The following SMYD1 variants were observed in gnomAD, a reference collection of about 807,000 sequenced individuals.
The protein encoded by SMYD1 is SET and MYND domain containing 1, also known as histone-lysine N-methyltransferase SMYD1.
A neutral mutation model predicts 54.0 loss-of-function variants in SMYD1; 49 were observed. That is an observed-to-expected ratio of 0.91 (90% CI 0.72 to 1.15). The LOEUF is 1.15. SMYD1 is among the 50% of genes most tolerant of loss of function. The pLI, the probability that SMYD1 is intolerant of heterozygous loss-of-function variation, is 0.00. For synonymous variants in SMYD1, 269 were observed against 234.2 expected, an observed-to-expected ratio of 1.15 and a Z score of -1.36; for missense variants, 653 against 639.6, an observed-to-expected ratio of 1.02 and a Z score of -0.23.
chr2:88,087,870 CG>C lies in SMYD1; in HGVS notation c.324del (p.Arg109AlafsTer68). 6.3e-7 allele frequency: 1 copy of C among 1,580,390 alleles called. No individual in the cohort carries two copies. Among genetic ancestry groups the C allele is most frequent in the Non-Finnish European group, 8.6e-7 (1 of 1,162,806 alleles). On this transcript the variant is annotated frameshift_variant, in exon 3 of 10. Transcript: ENST00000419482. LOFTEE classifies it high-confidence loss of function. ...CGCTGCCCTTCCCACAGGCTGGCGG[CG>C]CGCATCATGTGGCGGGTGGAGAGAG... ...KVPNENIRLA[A>X]RIMWRVEREG...
chr2:88,103,600 C>G (rs957886722), intron 7 of SMYD1, among the ~76,000 whole-genome samples: 1 of 152,156 alleles, frequency 6.6e-6, no homozygotes, highest in African/African-American at 2.4e-5. Context: ...TGGCTCTACA[C>G]TAGAATCACC....
At position 88,113,332 on chromosome 2, in the gene SMYD1, C is replaced by T. The variant is rs1440249320; in HGVS notation, c.*2820C>T. 1.3e-5 allele frequency: 2 copies of T among 152,186 alleles called. No homozygotes were observed. Among genetic ancestry groups the T allele is most frequent in the African/African-American group, 2.4e-5 (1 of 41,452 alleles). 9.4% of individuals were successfully genotyped at this position (152,186 alleles called of 1,614,324 possible). Reference sequence around the variant, plus strand: ...AACCATGAAACTGTATTTTGAGTTTCTATGTTATAGCAGTCAGCAAATCCT... The same window carrying T: ...AACCATGAAACTGTATTTTGAGTTTTTATGTTATAGCAGTCAGCAAATCCT... On this transcript the variant is annotated 3_prime_UTR_variant, in exon 10 of 10. Coordinates refer to ENST00000419482, the MANE Select transcript of SMYD1 (RefSeq NM_198274.4).
rs753922654 is a variant in SMYD1, at chr2:88,110,387, A to G, written c.1348A>G (p.Met450Val). The change falls in exon 10 of 10, where the codon ATG becomes GTG. Residue 450 changes from methionine to valine, a missense_variant. Coordinates refer to ENST00000419482, the MANE Select transcript of SMYD1 (RefSeq NM_198274.4). The part of the protein sequence containing the change: ...MRVQTEMELR[M>V]FRQNEFMYYK... ...GGTGCAGACGGAGATGGAGCTACGC[A>G]TGTTCCGCCAGAACGAATTCATGTA... 17 of 1,612,916 alleles carry G rather than the reference A, an allele frequency of 1.1e-5. No individual in the cohort carries two copies. The highest frequency in any genetic ancestry group is 1.6e-4 in the Middle Eastern group (1 of 6,082).
intron 2 of SMYD1, among the ~76,000 whole-genome samples, chr2:88,086,812 C>G (rs553260381): frequency 6.6e-6 from 1 of 151,648 alleles, no homozygotes; most frequent in East Asian, 1.9e-4. Flanking sequence ...TACCCCTATC[C>G]TTATCTCTAC....
At chr2:88,086,635 ACT>A (rs949563120) in intron 2 of SMYD1, among the ~76,000 whole-genome samples, 1 of 152,100 alleles carries the variant, frequency 6.6e-6, no homozygotes, top group Admixed American at 6.5e-5. Context: ...CTCCGCTCAC[ACT>A]GTTTCCCGGC....
chr2:88,102,114 A>G (rs771082757), intron 6 of SMYD1, among the ~76,000 whole-genome samples: 6 of 151,562 alleles, frequency 4.0e-5, no homozygotes, highest in Non-Finnish European at 8.8e-5. Flanking sequence ...CACAACTTGC[A>G]TATGTCAATT....
chr2:88,101,302 T>C (rs1423115239), intron 6 of SMYD1, among the ~76,000 whole-genome samples: 36 of 152,152 alleles, frequency 2.4e-4, no homozygotes, highest in Non-Finnish European at 8.8e-5. Flanking sequence ...AGTGAAAAAA[T>C]TGGACAACCA....
intron 7 of SMYD1, 84 bp downstream of exon 7, chr2:88,103,234 C>A: frequency 1.4e-6 from 1 of 728,340 alleles, no homozygotes; most frequent in Non-Finnish European, 2.2e-6. Flanking sequence ...GGCGTGAGAA[C>A]GGGCGGCGGG....
intron 4 of SMYD1, among the ~76,000 whole-genome samples, chr2:88,092,536 C>T (rs1417583368): frequency 6.6e-6 from 1 of 152,210 alleles, no homozygotes; most frequent in African/African-American, 2.4e-5. Context: ...AGAATCGGGC[C>T]TAAGCTTCAA....
Position 88,087,935 on chromosome 2 carries a change from GA to G in SMYD1, c.389del (p.Asp130AlafsTer47). The G allele has an allele frequency of 6.2e-7, 1 of 1,614,006 alleles. No homozygotes were observed. Among genetic ancestry groups the G allele is most frequent in the East Asian group, 2.2e-5 (1 of 44,866 alleles). On this transcript the variant is annotated frameshift_variant, in exon 3 of 10. Transcript: ENST00000419482. LOFTEE classifies it high-confidence loss of function. The part of the protein sequence containing the change: ...GLTEGCLVSV[D>X]DLQNHVEHFG... ...CACGGAGGGCTGCCTGGTGTCCGTGGACGACTTGCAGAACCACGTGGAGCAC... is the reference window on the plus strand; with the variant it reads ...CACGGAGGGCTGCCTGGTGTCCGTGGCGACTTGCAGAACCACGTGGAGCAC...
chr2:88,083,841 A>G lies in SMYD1; in HGVS notation c.138-475A>G, dbSNP rs376447424. Among the ~76,000 whole-genome samples the G allele has an allele frequency of 2.1e-3, 314 of 152,354 alleles. 2 individuals are homozygous for G. Among genetic ancestry groups the G allele is most frequent in the African/African-American group, 7.3e-3 (302 of 41,594 alleles). ...GCCAGGCGCGGTGGCTCATGCCTGT[A>G]ATCCCAGCACTTTGGGAGGCTGAGG... On this transcript the variant is annotated intron_variant, in intron 1 of 9. Transcript: ENST00000419482.
intron 3 of SMYD1, among the ~76,000 whole-genome samples, chr2:88,089,478 A>T (rs1316651749): frequency 6.6e-6 from 1 of 152,114 alleles, no homozygotes; most frequent in African/African-American, 2.4e-5. Context: ...TAGAACAGAA[A>T]ACCTAGGCCC....
chr2:88,075,492 A>G (rs150237294), intron 1 of SMYD1, among the ~76,000 whole-genome samples: 1,706 of 151,736 alleles, frequency 0.011, 38 homozygotes, highest in African/African-American at 0.039. Flanking sequence ...AAATAAATTG[A>G]CAATCTCCAG....
intron 1 of SMYD1, among the ~76,000 whole-genome samples, chr2:88,074,448 A>G (rs984993853): frequency 3.0e-4 from 45 of 152,320 alleles, no homozygotes; most frequent in African/African-American, 1.1e-3. Flanking sequence ...AATTTGGGAT[A>G]CTGTCCTTGT....
At position 88,106,447 on chromosome 2, in the gene SMYD1, G is replaced by A; in HGVS notation, c.1104G>A (p.Glu368=). 6.2e-7 allele frequency: 1 copy of A among 1,614,186 alleles called. No homozygotes were observed. The highest frequency in any genetic ancestry group is 1.7e-5 in the Admixed American group (1 of 60,022). ...SEVLSYLQAF[E]EASFYARRMV... ...TCCTTTCCTACCTCCAGGCCTTTGA[G>A]GAGGCCTCGTTCTATGCCAGGAGGA... The change falls in exon 8 of 10, where the codon GAG becomes GAA. Residue 368 remains glutamate (E), a synonymous_variant. Coordinates refer to ENST00000419482, the MANE Select transcript of SMYD1 (RefSeq NM_198274.4).
At chr2:88,101,808 A>G (rs554976586) in intron 6 of SMYD1, among the ~76,000 whole-genome samples, 2 of 152,138 alleles carry the variant, frequency 1.3e-5, no homozygotes, top group South Asian at 2.1e-4. Flanking sequence ...ATTTCACCCT[A>G]TTGTCCAGGT....
At position 88,111,886 on chromosome 2, in the gene SMYD1, G is replaced by A; in HGVS notation, c.*1374G>A. The A allele has an allele frequency of 1.7e-6, 1 of 600,798 alleles. No homozygotes were observed. The highest frequency in any genetic ancestry group is 3.0e-6 in the Non-Finnish European group (1 of 333,386). The allele number at this position is 600,798 out of a possible 1,614,324, so 37.2% of individuals were successfully genotyped here. On this transcript the variant is annotated 3_prime_UTR_variant, in exon 10 of 10. Coordinates refer to ENST00000419482, the MANE Select transcript of SMYD1 (RefSeq NM_198274.4). ...CAACCCAGGACTACCATTGACCTCA[G>A]AGCTGTACCCCACATCTTGAAGTAA...
intron 4 of SMYD1, among the ~76,000 whole-genome samples, chr2:88,092,110 A>C (rs1251843926): frequency 6.6e-6 from 1 of 152,080 alleles, no homozygotes; most frequent in Non-Finnish European, 1.5e-5. Flanking sequence ...CATGGCTCAG[A>C]AAAGAGGAAG....
chr2:88,106,404 T>C lies in SMYD1; in HGVS notation c.1061T>C (p.Leu354Pro). ...ACCAACATCTACATGCTGCGGATGC[T>C]GAGCATTGTTTCGGAGGTCCTTTCC... ...ADTNIYMLRM[L>P]SIVSEVLSYL... is the part of the protein sequence containing the mutation. Residue 354 changes from leucine to proline, a missense_variant, in exon 8 of 10, where the codon CTG becomes CCG. Transcript: ENST00000419482. The C allele has an allele frequency of 6.2e-7, 1 of 1,614,220 alleles. No homozygotes were observed. The highest frequency in any genetic ancestry group is 8.5e-7 in the Non-Finnish European group (1 of 1,180,042).
Sources: allele counts gnomAD v4.1 joint callset (sites outside exome capture counted in the v4.1 genomes callset), GRCh38; gene constraint gnomAD v4.1.1; transcripts MANE v1.5; gene names NCBI Gene and HGNC (gene_info 2026-07-23, HGNC 2026-07-21).